The following CREB3L1 variants were observed in gnomAD, a reference collection of about 807,000 sequenced individuals.
The protein encoded by CREB3L1 is cyclic AMP-responsive element-binding protein 3-like protein 1.
CREB3L1 carries 33 observed loss-of-function variants against 54.5 expected under a neutral mutation model. The ratio of observed to expected loss-of-function variants is 0.61; its 90% CI spans 0.46 to 0.81. The LOEUF (loss-of-function observed/expected upper bound fraction) is 0.81, where lower values mean the gene tolerates loss of function less well. CREB3L1 is among the 30% of genes least tolerant of loss of function. The probability of loss-of-function intolerance (pLI) is 0.00; values close to 1 mark genes in which losing one functional copy is unlikely to be tolerated. For synonymous variants in CREB3L1, 284 were observed against 286.4 expected (o/e 0.99, Z 0.08); for missense variants, 656 against 673.3 (o/e 0.97, Z 0.29).
intron 2 of CREB3L1, among the ~76,000 whole-genome samples, chr11:46,302,345 T>TC (rs1329431403): frequency 1.3e-5 from 2 of 151,956 alleles, no homozygotes; most frequent in Non-Finnish European, 2.9e-5. Flanking sequence ...AGCTCTCCTC[T>TC]CCCCCTAACT....
At position 46,300,542 on chromosome 11, in the gene CREB3L1, G is replaced by A. The variant is rs533899983; in HGVS notation, c.331+379G>A. Among the ~76,000 whole-genome samples, 39 of 152,336 alleles carry A rather than the reference G, an allele frequency of 2.6e-4. 1 individual carries two copies. The South Asian group carries it at 7.2e-3, about 28-fold the overall frequency. Reference sequence around the variant, plus strand: ...TGATGCACACTCAGATTTGCAAACCGCTGACTTAGAGGAGACAGTGGGGGT... The same window carrying A: ...TGATGCACACTCAGATTTGCAAACCACTGACTTAGAGGAGACAGTGGGGGT... On this transcript the variant is annotated intron_variant, in intron 2 of 11. Transcript: ENST00000621158.
Position 46,320,893 on chromosome 11 carries a change from C to T in CREB3L1, c.*147C>T. On this transcript the variant is annotated 3_prime_UTR_variant, in exon 12 of 12. Coordinates refer to ENST00000621158, the MANE Select transcript of CREB3L1 (RefSeq NM_052854.4). ...CTCCACTTCCCAGCCCTTCCTTGCC[C>T]CTGACATTTGGACTCTTCCCTTGGG... 1.2e-6 allele frequency: 1 copy of T among 860,632 alleles called. No homozygotes were observed. The highest frequency in any genetic ancestry group is 1.9e-6 in the Non-Finnish European group (1 of 519,804). 53.3% of individuals were successfully genotyped at this position (860,632 alleles called of 1,614,324 possible). A position where few individuals can be genotyped will look rare whatever the true frequency, so the allele number is the denominator to read the frequency against.
intron 2 of CREB3L1, among the ~76,000 whole-genome samples, chr11:46,305,593 T>C (rs887247266): frequency 6.7e-6 from 1 of 148,288 alleles, no homozygotes; most frequent in African/African-American, 2.5e-5. Context: ...TATGTATATA[T>C]ACACACACAT....
chr11:46,320,439 C>T lies in CREB3L1; in HGVS notation c.1434C>T (p.Thr478=), dbSNP rs1229235614. 1.9e-6 allele frequency: 3 copies of T among 1,610,178 alleles called. No homozygotes were observed. Among genetic ancestry groups the T allele is most frequent in the Non-Finnish European group, 1.7e-6 (2 of 1,178,396 alleles). The part of the protein sequence containing the change: ...QHDHLDSTHE[T]TKYLSEAWPK... ...ATCACCTGGACAGCACCCACGAGACCACCAAGTACCTGAGTGAGGCCTGGC... is the reference window on the plus strand; with the variant it reads ...ATCACCTGGACAGCACCCACGAGACTACCAAGTACCTGAGTGAGGCCTGGC... Residue 478 remains threonine (T), a synonymous_variant, in exon 11 of 12, where the codon ACC becomes ACT. Transcript: ENST00000621158.
chr11:46,317,566 C>T, intron 10 of CREB3L1, 79 bp downstream of exon 10: 8 of 1,554,710 alleles, frequency 5.1e-6, no homozygotes, highest in Non-Finnish European at 6.1e-6. Context: ...AGAAGCCAGA[C>T]ATAAGAGAGA....
At chr11:46,301,004 C>CAAAAA (rs57840608) in intron 2 of CREB3L1, among the ~76,000 whole-genome samples, 1 of 37,658 alleles carries the variant, frequency 2.7e-5, no homozygotes, top group African/African-American at 1.1e-4. Context: ...GACTCCATCT[C>CAAAAA]AAAAAAAAAA....
rs1939194997 is a variant in CREB3L1 at position 46,295,524 on chromosome 11, G to C, written c.103-4411G>C. On this transcript the variant is annotated intron_variant, in intron 1 of 11. Coordinates refer to ENST00000621158, the MANE Select transcript of CREB3L1 (RefSeq NM_052854.4). The surrounding 1 kb of genome is among the most constrained non-coding windows in gnomAD (Gnocchi z 4.6). ...CTGCCTCGGCCCCAGACGCAGAAGG[G>C]GTCCCATGCAGGCCCGAGCCAGTGC... 6.6e-6 allele frequency among the ~76,000 whole-genome samples: 1 copy of C among 152,202 alleles called. No individual in the cohort carries two copies. The highest frequency in any genetic ancestry group is 1.5e-5 in the Non-Finnish European group (1 of 68,024).
chr11:46,318,845 G>C (rs1939605222), intron 10 of CREB3L1, among the ~76,000 whole-genome samples: 1 of 152,170 alleles, frequency 6.6e-6, no homozygotes, highest in Non-Finnish European at 1.5e-5. Flanking sequence ...CAGGGAGGAT[G>C]AGCTAGACGT....
intron 10 of CREB3L1, among the ~76,000 whole-genome samples, chr11:46,318,217 C>CAA (rs11422396): frequency 0.058 from 8,590 of 147,840 alleles, 318 homozygotes; most frequent in East Asian, 0.093. Flanking sequence ...GACTCCATCT[C>CAA]AAAAAAAAAA....
At chr11:46,319,077 G>A (rs1939609273) in intron 10 of CREB3L1, among the ~76,000 whole-genome samples, 1 of 152,190 alleles carries the variant, frequency 6.6e-6, no homozygotes, top group Non-Finnish European at 1.5e-5. Flanking sequence ...TGGAAAGAGA[G>A]CTGGGGTTGA....
intron 2 of CREB3L1, 41 bp from the exon 3 acceptor site, chr11:46,307,775 C>T (rs1939420526): frequency 2.7e-6 from 4 of 1,472,406 alleles, no homozygotes; most frequent in Non-Finnish European, 2.7e-6. Flanking sequence ...GGGGCTGAGA[C>T]CTCTGCCCTA....
chr11:46,319,460 G>A (rs1170384272), intron 10 of CREB3L1, among the ~76,000 whole-genome samples: 1 of 152,208 alleles, frequency 6.6e-6, no homozygotes, highest in Non-Finnish European at 1.5e-5. Context: ...CTCTACTTAG[G>A]TCTATGGGCC....
Position 46,312,843 on chromosome 11 carries a change from C to A in CREB3L1, c.963-8C>A. On this transcript the variant is annotated splice_region_variant and splice_polypyrimidine_tract_variant and intron_variant, in intron 7 of 11. Coordinates refer to ENST00000621158, the MANE Select transcript of CREB3L1 (RefSeq NM_052854.4). ...GCCCCTGAGCCTGTGCCTGCTTGGC[C>A]CCTACAGGGTGGAGACATTTACATC... 1 of 1,587,184 alleles carries A rather than the reference C, an allele frequency of 6.3e-7. No individual in the cohort carries two copies. Among genetic ancestry groups the A allele is most frequent in the East Asian group, 2.3e-5 (1 of 43,556 alleles).
intron 1 of CREB3L1, among the ~76,000 whole-genome samples, chr11:46,288,476 A>G (rs1366765278): frequency 6.6e-6 from 1 of 152,166 alleles, no homozygotes; most frequent in Non-Finnish European, 1.5e-5. Context: ...AGGAAGGCCC[A>G]TGGCATTTGA....
At chr11:46,301,042 C>A (rs1221741811) in intron 2 of CREB3L1, among the ~76,000 whole-genome samples, 1 of 144,462 alleles carries the variant, frequency 6.9e-6, no homozygotes, top group African/African-American at 2.6e-5. Flanking sequence ...TAGCTGGGCG[C>A]GGTGGTGGGT....
At position 46,320,961 on chromosome 11, in the gene CREB3L1, C is replaced by T. The variant is rs1590355019; in HGVS notation, c.*215C>T. 2.9e-6 allele frequency: 2 copies of T among 687,628 alleles called. No homozygotes were observed. The highest frequency in any genetic ancestry group is 2.7e-6 in the Non-Finnish European group (1 of 376,366). 42.6% of individuals were successfully genotyped at this position (687,628 alleles called of 1,614,324 possible). A position where few individuals can be genotyped will look rare whatever the true frequency, so the allele number is the denominator to read the frequency against. On this transcript the variant is annotated 3_prime_UTR_variant, in exon 12 of 12. Coordinates refer to ENST00000621158, the MANE Select transcript of CREB3L1 (RefSeq NM_052854.4). ...ATTCTCCTTCCCACCAACATCCATC[C>T]GTCCTTCTCAGACAAACCACTCACT...
intron 1 of CREB3L1, among the ~76,000 whole-genome samples, chr11:46,287,957 C>T (rs1261266008): frequency 2.6e-5 from 4 of 151,346 alleles, no homozygotes; most frequent in African/African-American, 9.7e-5. Flanking sequence ...GCCTGAGCAA[C>T]AGACTGAGAT....
chr11:46,313,160 T>C (rs1036952958), intron 8 of CREB3L1, among the ~76,000 whole-genome samples: 2 of 152,172 alleles, frequency 1.3e-5, no homozygotes, highest in Non-Finnish European at 2.9e-5. Flanking sequence ...GTTTTCAAAG[T>C]GTGGTCCTCA....
At chr11:46,284,663 A>G (rs546343778) in intron 1 of CREB3L1, among the ~76,000 whole-genome samples, 1 of 152,096 alleles carries the variant, frequency 6.6e-6, no homozygotes, top group Non-Finnish European at 1.5e-5. Context: ...TCCAAAAAAA[A>G]AAAAAAAGGC....
Sources: gnomAD v4.1 joint callset for allele counts (sites outside exome capture counted in the v4.1 genomes callset) on GRCh38, gnomAD v4.1.1 for gene constraint, Gnocchi (gnomAD v3.1) non-coding constraint, MANE v1.5 for transcripts, NCBI Gene and HGNC (gene_info 2026-07-23, HGNC 2026-07-21) for gene names.